Variants in RNF38 observed in about 807,000 individuals in gnomAD.
RNF38 encodes the protein E3 ubiquitin-protein ligase RNF38.
RNF38 carries 15 observed loss-of-function variants against 67.2 expected under a neutral mutation model. The observed-to-expected ratio is 0.22, with a 90% confidence interval of 0.15 to 0.34. RNF38 has a LOEUF of 0.34. RNF38 is among the 10% of genes least tolerant of loss of function. The pLI, the probability that RNF38 is intolerant of heterozygous loss-of-function variation, is 1.00. For missense variants in RNF38, 524 were observed against 639.9 expected (o/e 0.82, Z 1.95); for synonymous variants, 220 against 218.8 (o/e 1.01, Z -0.05).
At chr9:36,377,425 G>C (rs959354998) in intron 2 of RNF38, among the ~76,000 whole-genome samples, 3 of 152,270 alleles carry the variant, frequency 2.0e-5, no homozygotes, top group African/African-American at 7.2e-5. Context: ...AAGGAATGAA[G>C]CAAATTGGTA....
chr9:36,482,867 T>TA (rs1840308925), intron 1 of RNF38, among the ~76,000 whole-genome samples: 1 of 152,166 alleles, frequency 6.6e-6, no homozygotes, highest in East Asian at 1.9e-4. Flanking sequence ...ATGAAACTGT[T>TA]AGTTACAGCT....
intron 1 of RNF38, among the ~76,000 whole-genome samples, chr9:36,392,472 C>T (rs1837186925): frequency 6.6e-6 from 1 of 152,156 alleles, no homozygotes; most frequent in Non-Finnish European, 1.5e-5. Flanking sequence ...TGCAGTGGCT[C>T]ACACTTGTAA....
chr9:36,360,809 A>G (rs1263544481), intron 4 of RNF38, among the ~76,000 whole-genome samples: 1 of 152,046 alleles, frequency 6.6e-6, no homozygotes, highest in African/African-American at 2.4e-5. Flanking sequence ...ACCCCGACCA[A>G]CTGCACACAC....
At chr9:36,484,063 T>C (rs970314829) in intron 1 of RNF38, among the ~76,000 whole-genome samples, 2 of 152,226 alleles carry the variant, frequency 1.3e-5, no homozygotes, top group African/African-American at 4.8e-5. Context: ...AAGGAAAAGA[T>C]GAGGACTAGG....
chr9:36,442,766 A>G (rs1420867068), intron 1 of RNF38, among the ~76,000 whole-genome samples: 7 of 152,242 alleles, frequency 4.6e-5, no homozygotes, highest in Non-Finnish European at 7.3e-5. Flanking sequence ...CAACAGAGAG[A>G]GGCTCAGTCT....
chr9:36,346,133 C>T (rs947403722), intron 9 of RNF38, among the ~76,000 whole-genome samples: 1 of 152,106 alleles, frequency 6.6e-6, no homozygotes, highest in African/African-American at 2.4e-5. Flanking sequence ...ATGAGACCAC[C>T]TAATTTCTTT....
intron 5 of RNF38, 139 bp from the exon 6 acceptor site, chr9:36,356,612 G>T: frequency 1.7e-6 from 1 of 587,124 alleles, no homozygotes; most frequent in Non-Finnish European, 2.8e-6. Context: ...TATTAACAAT[G>T]AAATACCAGT....
At chr9:36,482,301 C>T (rs1840289234) in intron 1 of RNF38, among the ~76,000 whole-genome samples, 1 of 151,472 alleles carries the variant, frequency 6.6e-6, no homozygotes, top group African/African-American at 2.4e-5. Flanking sequence ...GATCCGCCCA[C>T]CTCGGCCTCC....
chr9:36,469,112 A>G (rs933889537), intron 1 of RNF38, among the ~76,000 whole-genome samples: 18 of 152,094 alleles, frequency 1.2e-4, no homozygotes, highest in Admixed American at 6.6e-5. Flanking sequence ...AGTCCATCTC[A>G]AAAAAGTAAA....
At chr9:36,362,754 C>A (rs1834653358) in intron 4 of RNF38, among the ~76,000 whole-genome samples, 1 of 152,104 alleles carries the variant, frequency 6.6e-6, no homozygotes, top group South Asian at 2.1e-4. Context: ...CGGCCTCAGC[C>A]TTCCGAGTAG....
chr9:36,407,750 A>G (rs1316236934), intron 2 of RNF38, among the ~76,000 whole-genome samples: 2 of 152,176 alleles, frequency 1.3e-5, no homozygotes, highest in Non-Finnish European at 2.9e-5. Flanking sequence ...GCTTCATCTC[A>G]GGGGCAATCA....
intron 1 of RNF38, among the ~76,000 whole-genome samples, chr9:36,444,566 GAAAC>G (rs1386934601): frequency 6.6e-6 from 1 of 152,192 alleles, no homozygotes; most frequent in Non-Finnish European, 1.5e-5. Context: ...TTGGGAGGTT[GAAAC>G]AGGCAGATCA....
At chr9:36,473,414 C>T (rs1206291768) in intron 1 of RNF38, among the ~76,000 whole-genome samples, 1 of 151,882 alleles carries the variant, frequency 6.6e-6, no homozygotes, top group Non-Finnish European at 1.5e-5. Context: ...ATGGTAAAAT[C>T]TCGTTTCTAC....
intron 2 of RNF38, among the ~76,000 whole-genome samples, chr9:36,407,565 C>A (rs1301483677): frequency 1.3e-5 from 2 of 152,256 alleles, no homozygotes; most frequent in Non-Finnish European, 2.9e-5. Context: ...AAAGCATACA[C>A]TGCACATCAC....
chr9:36,399,799 GGTTT>G (rs1482861167), intron 1 of RNF38, among the ~76,000 whole-genome samples: 1 of 151,898 alleles, frequency 6.6e-6, no homozygotes, highest in African/African-American at 2.4e-5. Context: ...CTACATACAA[GGTTT>G]GTTTGCTATT....
At chr9:36,342,077 C>T (rs1480043143) in intron 11 of RNF38, among the ~76,000 whole-genome samples, 6 of 152,028 alleles carry the variant, frequency 3.9e-5, no homozygotes, top group East Asian at 1.9e-4. Context: ...GGGCCTTGTC[C>T]CTATATACCA....
intron 1 of RNF38, among the ~76,000 whole-genome samples, chr9:36,457,772 G>C (rs1356701613): frequency 6.6e-6 from 1 of 151,980 alleles, no homozygotes; most frequent in African/African-American, 2.4e-5. Flanking sequence ...ACCAGGCATG[G>C]TGGTGGGCAC....
chr9:36,421,468 A>T (rs776845599), intron 2 of RNF38, among the ~76,000 whole-genome samples: 1 of 151,996 alleles, frequency 6.6e-6, no homozygotes, highest in East Asian at 1.9e-4. Context: ...GTTTGAGACC[A>T]GCCTGACCAA....
chr9:36,435,855 T>A (rs1021023669), intron 1 of RNF38, among the ~76,000 whole-genome samples: 1 of 152,098 alleles, frequency 6.6e-6, no homozygotes, highest in Non-Finnish European at 1.5e-5. Context: ...GGTCTCGATA[T>A]CCTGACCTCG....
Sources: allele counts gnomAD v4.1 joint callset (sites outside exome capture counted in the v4.1 genomes callset), GRCh38; gene constraint gnomAD v4.1.1; transcripts MANE v1.5; gene names NCBI Gene and HGNC (gene_info 2026-07-23, HGNC 2026-07-21).